PCDHGB5: variants seen among roughly 807,000 people sequenced by gnomAD.
PCDHGB5 encodes protocadherin gamma-B5.
Under a neutral mutation model 62.9 loss-of-function variants are expected in PCDHGB5, and 48 were observed. The ratio of observed to expected loss-of-function variants is 0.76; its 90% confidence interval spans 0.61 to 0.97. The LOEUF is 0.97. PCDHGB5 is among the 50% of genes least tolerant of loss of function. The pLI is 0.00. For missense variants in PCDHGB5, 1,118 were observed against 1,198.6 expected (o/e 0.93, Z 0.99); for synonymous variants, 474 against 511.2 (o/e 0.93, Z 0.98).
Position 141,491,422 on chromosome 5 carries a change from G to A in PCDHGB5, c.2398-3385G>A. 1 of 1,614,112 alleles carries A rather than the reference G, an allele frequency of 6.2e-7. No individual in the cohort carries two copies. Among genetic ancestry groups the A allele is most frequent in the East Asian group, 2.2e-5 (1 of 44,874 alleles). On this transcript the variant is annotated intron_variant, in intron 1 of 3. Coordinates refer to ENST00000617380, the MANE Select transcript of PCDHGB5 (RefSeq NM_018925.3). The surrounding 1 kb of genome is among the most constrained non-coding windows in gnomAD (Gnocchi z 6.9). The stretch of plus-strand genomic sequence containing the variant: ...AAACGCAGACGGGGACGGGGGTGGA[G>A]GGCAGTGCTGCAGGCGCCAGGACTC...
Position 141,432,483 on chromosome 5 carries a change from T to C in PCDHGB5, c.2397+31959T>C, listed in dbSNP as rs776090923. The C allele has an allele frequency of 6.2e-7, 1 of 1,614,136 alleles. No homozygotes were observed. The highest frequency in any genetic ancestry group is 1.1e-5 in the South Asian group (1 of 91,078). ...CTCCCCACGGACGGTTCCACTGGCG[T>C]GGAGCTGGCTCCCCGCTCCGCAGAG... On this transcript the variant is annotated intron_variant, in intron 1 of 3. Coordinates refer to ENST00000617380, the MANE Select transcript of PCDHGB5 (RefSeq NM_018925.3). The surrounding 1 kb of genome is among the most constrained non-coding windows in gnomAD (Gnocchi z 6.0).
In PCDHGB5 at chr5:141,460,999, G is replaced by GTA. The variant is rs1350972422; in HGVS notation, c.2398-33797_2398-33796dup. Reference sequence around the variant, plus strand: ...TGTGTGTGTGTATATATATATATGTGTATATATATATACCACATTTTCTTT... The same window carrying GTA: ...TGTGTGTGTGTATATATATATATGTGTATATATATATATACCACATTTTCTTT... On this transcript the variant is annotated intron_variant, in intron 1 of 3. Coordinates refer to ENST00000617380, the MANE Select transcript of PCDHGB5 (RefSeq NM_018925.3). Among the ~76,000 whole-genome samples, 54 of 149,566 alleles carry GTA rather than the reference G, an allele frequency of 3.6e-4. No homozygotes were observed. The South Asian group carries it at 4.2e-3, about 12-fold the overall frequency.
intron 1 of PCDHGB5, among the ~76,000 whole-genome samples, chr5:141,472,980 C>CAAAAAAAAAAAAAAAA (rs60579131): frequency 2.8e-4 from 24 of 86,024 alleles, no homozygotes; most frequent in East Asian, 1.2e-3. Context: ...GAGTGAAACT[C>CAAAAAAAAAAAAAAAA]AAAAAAAAAA....
chr5:141,448,720 C>T (rs545687728), intron 1 of PCDHGB5, among the ~76,000 whole-genome samples: 24 of 152,030 alleles, frequency 1.6e-4, no homozygotes, highest in African/African-American at 5.8e-4. Flanking sequence ...GCGGGAGGAT[C>T]ACGAGGTCAG....
intron 1 of PCDHGB5, chr5:141,419,137 C>CAGGG: frequency 6.2e-7 from 1 of 1,613,892 alleles, no homozygotes; most frequent in Non-Finnish European, 8.5e-7. Context: ...CAGCCACAGA[C>CAGGG]AGGGGCAAGC....
rs757503771 is a variant in PCDHGB5 at position 141,433,052 on chromosome 5, A to C, written c.2397+32528A>C. 31 of 1,614,060 alleles carry C rather than the reference A, an allele frequency of 1.9e-5. No homozygotes were observed. Among genetic ancestry groups the C allele is most frequent in the Non-Finnish European group, 1.8e-5 (21 of 1,180,044 alleles). On this transcript the variant is annotated intron_variant, in intron 1 of 3. Coordinates refer to ENST00000617380, the MANE Select transcript of PCDHGB5 (RefSeq NM_018925.3). ...GGTTTCCCTCACCACGGACTCGCGG[A>C]AGAGTCACCTGATCTTCCCCCAGCC...
chr5:141,422,400 G>A (rs1207332302), intron 1 of PCDHGB5: 3 of 1,598,664 alleles, frequency 1.9e-6, no homozygotes, highest in South Asian at 2.3e-5. Context: ...CTAACCACCT[G>A]CCTTTTAAAT....
Position 141,477,540 on chromosome 5 carries a change from C to T in PCDHGB5, c.2398-17267C>T, listed in dbSNP as rs777796922. On this transcript the variant is annotated intron_variant, in intron 1 of 3. Coordinates refer to ENST00000617380, the MANE Select transcript of PCDHGB5 (RefSeq NM_018925.3). The surrounding 1 kb of genome is among the most constrained non-coding windows in gnomAD (Gnocchi z 4.9). Reference sequence around the variant, plus strand: ...GAAGAAAACAACCTCCCCGGGGCTCCAATACTAAACCTAAGTGTCTGGGAC... The same window carrying T: ...GAAGAAAACAACCTCCCCGGGGCTCTAATACTAAACCTAAGTGTCTGGGAC... The T allele has an allele frequency of 6.8e-6, 11 of 1,614,036 alleles. 1 individual carries two copies. Among genetic ancestry groups the T allele is most frequent in the African/African-American group, 2.7e-5 (2 of 74,920 alleles).
chr5:141,432,495 C>G lies in PCDHGB5; in HGVS notation c.2397+31971C>G. 1.2e-6 allele frequency: 2 copies of G among 1,614,182 alleles called. No individual in the cohort carries two copies. The highest frequency in any genetic ancestry group is 1.7e-6 in the Non-Finnish European group (2 of 1,180,048). On this transcript the variant is annotated intron_variant, in intron 1 of 3. Coordinates refer to ENST00000617380, the MANE Select transcript of PCDHGB5 (RefSeq NM_018925.3). The surrounding 1 kb of genome is among the most constrained non-coding windows in gnomAD (Gnocchi z 6.0). ...GGTTCCACTGGCGTGGAGCTGGCTC[C>G]CCGCTCCGCAGAGCCCGGCTACCTG...
At chr5:141,422,640 C>T in intron 1 of PCDHGB5, 1 of 1,612,590 alleles carries the variant, frequency 6.2e-7, no homozygotes, top group South Asian at 1.1e-5. Flanking sequence ...GGGGTGCCTC[C>T]ATCTTCTCAG....
At chr5:141,419,533 C>T in intron 1 of PCDHGB5, 1 of 1,612,106 alleles carries the variant, frequency 6.2e-7, no homozygotes, top group Non-Finnish European at 8.5e-7. Context: ...GTAACGACAA[C>T]GCACCGCGGG....
At chr5:141,401,656 T>G (rs1400500695) in intron 1 of PCDHGB5, among the ~76,000 whole-genome samples, 1 of 152,248 alleles carries the variant, frequency 6.6e-6, no homozygotes, top group East Asian at 1.9e-4. Context: ...AATGACTGGA[T>G]GTTTTCTCAA....
At chr5:141,451,193 A>T (rs2098710240) in intron 1 of PCDHGB5, among the ~76,000 whole-genome samples, 1 of 152,208 alleles carries the variant, frequency 6.6e-6, no homozygotes, top group Non-Finnish European at 1.5e-5. Context: ...TGTGTAACAA[A>T]TTATCCCAAA....
At position 141,413,304 on chromosome 5, in the gene PCDHGB5, A is replaced by T; in HGVS notation, c.2397+12780A>T. The T allele has an allele frequency of 1.9e-6, 3 of 1,613,982 alleles. No individual in the cohort carries two copies. The Admixed American group carries it at 5.0e-5, about 27-fold the overall frequency. On this transcript the variant is annotated intron_variant, in intron 1 of 3. Transcript: ENST00000617380. Reference sequence around the variant, plus strand: ...TCTCCTACTCAATTCCTGAGGAATTAGAGAAAGGCTCTTTCGTGGGCAACA... The same window carrying T: ...TCTCCTACTCAATTCCTGAGGAATTTGAGAAAGGCTCTTTCGTGGGCAACA...
chr5:141,412,973 C>G, intron 1 of PCDHGB5: 1 of 528,318 alleles, frequency 1.9e-6, no homozygotes, highest in Non-Finnish European at 3.3e-6. Flanking sequence ...GGAGAGAAAA[C>G]GCAGCCAGAG....
intron 3 of PCDHGB5, among the ~76,000 whole-genome samples, chr5:141,509,068 G>A (rs1267011061): frequency 6.6e-6 from 1 of 152,144 alleles, no homozygotes; most frequent in Non-Finnish European, 1.5e-5. Flanking sequence ...TCTCAGCTCC[G>A]GGGATTTGCG....
chr5:141,496,663 G>A (rs2099770279), intron 2 of PCDHGB5, among the ~76,000 whole-genome samples: 1 of 152,196 alleles, frequency 6.6e-6, no homozygotes, highest in Admixed American at 6.5e-5. Context: ...GACCCCAGCT[G>A]TTGTCCTTCT....
intron 2 of PCDHGB5, among the ~76,000 whole-genome samples, chr5:141,499,370 AT>A (rs932083472): frequency 2.0e-5 from 3 of 152,170 alleles, no homozygotes. Context: ...TAGCAACTTA[AT>A]TTTTTTCCAC....
intron 1 of PCDHGB5, among the ~76,000 whole-genome samples, chr5:141,470,714 T>C (rs1416956410): frequency 1.3e-5 from 2 of 152,152 alleles, no homozygotes; most frequent in Non-Finnish European, 2.9e-5. Context: ...TTTTATTTTT[T>C]TGAGTCAGGG....
Sources: allele counts gnomAD v4.1 joint callset (sites outside exome capture counted in the v4.1 genomes callset), GRCh38; gene constraint gnomAD v4.1.1; non-coding constraint Gnocchi (gnomAD v3.1); transcripts MANE v1.5; gene names NCBI Gene and HGNC (gene_info 2026-07-23, HGNC 2026-07-21).